The following NR5A2 variants were observed in gnomAD, a reference collection of about 807,000 sequenced individuals.
NR5A2 encodes the protein CYP7A promoter-binding factor.
NR5A2 carries 26 observed loss-of-function variants against 62.7 expected under a neutral mutation model. The observed-to-expected ratio is 0.41, with a 90% confidence interval of 0.30 to 0.58. The LOEUF (loss-of-function observed/expected upper bound fraction) is 0.58. NR5A2 is among the 20% of genes least tolerant of loss of function. NR5A2 has a pLI of 0.22. For missense variants in NR5A2, 541 were observed against 669.1 expected (o/e 0.81, Z 2.11); for synonymous variants, 246 against 241.7 (o/e 1.02, Z -0.16).
At chr1:200,108,218 G>A (rs766552716) in intron 5 of NR5A2, among the ~76,000 whole-genome samples, 7 of 151,644 alleles carry the variant, frequency 4.6e-5, no homozygotes, top group African/African-American at 1.5e-4. Flanking sequence ...CTCAGCCTCC[G>A]GAGTAGCAGG....
At chr1:200,118,772 G>A (rs2102307020) in intron 6 of NR5A2, among the ~76,000 whole-genome samples, 1 of 152,326 alleles carries the variant, frequency 6.6e-6, no homozygotes, top group Admixed American at 6.5e-5. Context: ...TCCCCTGTAA[G>A]AGAACTGGCA....
At chr1:200,096,415 A>C (rs777672483) in intron 5 of NR5A2, among the ~76,000 whole-genome samples, 4 of 152,150 alleles carry the variant, frequency 2.6e-5, no homozygotes, top group African/African-American at 9.7e-5. Flanking sequence ...ACTCAAACAC[A>C]ACAGGGTATG....
intron 7 of NR5A2, among the ~76,000 whole-genome samples, chr1:200,133,091 C>T (rs972474893): frequency 2.6e-5 from 4 of 152,186 alleles, no homozygotes; most frequent in South Asian, 2.1e-4. Context: ...TTCTATATTA[C>T]AGAAATAGTG....
In NR5A2 at chr1:200,039,881, C is replaced by A. The variant is rs1558097509; in HGVS notation, c.202+86C>A. 3 of 1,450,090 alleles carry A rather than the reference C, an allele frequency of 2.1e-6. No homozygotes were observed. The highest frequency in any genetic ancestry group is 6.5e-5 in the Admixed American group (2 of 30,750). 89.8% of individuals were successfully genotyped at this position (1,450,090 alleles called of 1,614,324 possible). ...GCAGGCTTCAGCCTCCCGCCCCGCG[C>A]GGGCGCGGGAGTAGCCCCGCTGGGC... On this transcript the variant is annotated intron_variant, in intron 2 of 7. Coordinates refer to ENST00000367362, the MANE Select transcript of NR5A2 (RefSeq NM_205860.3). The surrounding 1 kb of genome is among the most constrained non-coding windows in gnomAD (Gnocchi z 5.1).
intron 5 of NR5A2, among the ~76,000 whole-genome samples, chr1:200,092,969 C>T (rs908804606): frequency 3.2e-4 from 48 of 148,830 alleles, no homozygotes; most frequent in Non-Finnish European, 6.2e-4. Flanking sequence ...CTGCAACCTC[C>T]GCCTCCCAGG....
chr1:200,074,015 C>T (rs1357684522), intron 5 of NR5A2, among the ~76,000 whole-genome samples: 4 of 152,112 alleles, frequency 2.6e-5, no homozygotes, highest in Admixed American at 6.6e-5. Context: ...TTTGAATCAA[C>T]TCAATCTTAA....
At chr1:200,080,065 TTTA>T (rs926415602) in intron 5 of NR5A2, among the ~76,000 whole-genome samples, 3 of 152,336 alleles carry the variant, frequency 2.0e-5, no homozygotes, top group Admixed American at 6.5e-5. Context: ...TCTATTTTTC[TTTA>T]TTATTTCCAA....
chr1:200,032,663 A>G (rs569426767), intron 1 of NR5A2, among the ~76,000 whole-genome samples: 10 of 151,348 alleles, frequency 6.6e-5, no homozygotes, highest in African/African-American at 2.2e-4. Context: ...ACAAAGGGGA[A>G]CTGATATATA....
chr1:200,054,943 C>A (rs1662840028), intron 5 of NR5A2, among the ~76,000 whole-genome samples: 1 of 151,924 alleles, frequency 6.6e-6, no homozygotes, highest in African/African-American at 2.4e-5. Flanking sequence ...GTTGCCCAGG[C>A]TGGAGTGCAG....
At chr1:200,055,694 G>T (rs576433268) in intron 5 of NR5A2, among the ~76,000 whole-genome samples, 8 of 152,122 alleles carry the variant, frequency 5.3e-5, no homozygotes, top group Non-Finnish European at 1.2e-4. Flanking sequence ...CACTTCTCTG[G>T]ATGCAAAGTA....
At chr1:200,043,245 G>T (rs566375701) in intron 2 of NR5A2, among the ~76,000 whole-genome samples, 1 of 152,338 alleles carries the variant, frequency 6.6e-6, no homozygotes, top group South Asian at 2.1e-4. Context: ...AGTTAAAGTG[G>T]GCTGCTGCTG....
chr1:200,060,399 T>C (rs1398768926), intron 5 of NR5A2, among the ~76,000 whole-genome samples: 1 of 152,194 alleles, frequency 6.6e-6, no homozygotes, highest in Non-Finnish European at 1.5e-5. Context: ...ATAGGATTTC[T>C]ATCTGTCCTT....
At chr1:200,166,336 C>T (rs1653899849) in intron 7 of NR5A2, among the ~76,000 whole-genome samples, 1 of 152,082 alleles carries the variant, frequency 6.6e-6, no homozygotes, top group African/African-American at 2.4e-5. Flanking sequence ...CACAAAGGTG[C>T]CCCATAACAC....
intron 1 of NR5A2, among the ~76,000 whole-genome samples, chr1:200,037,402 G>A (rs1373404227): frequency 1.3e-5 from 2 of 152,208 alleles, no homozygotes; most frequent in African/African-American, 2.4e-5. Flanking sequence ...CTGCATCCTT[G>A]CCATGCTAGG....
chr1:200,104,243 G>A (rs1665537468), intron 5 of NR5A2, among the ~76,000 whole-genome samples: 1 of 152,196 alleles, frequency 6.6e-6, no homozygotes, highest in Non-Finnish European at 1.5e-5. Context: ...TGCAACAATT[G>A]ACTAGGGCGT....
chr1:200,047,351 G>A (rs1179202992), intron 4 of NR5A2, among the ~76,000 whole-genome samples: 1 of 152,150 alleles, frequency 6.6e-6, no homozygotes, highest in Non-Finnish European at 1.5e-5. Context: ...CCAAGAACAT[G>A]TCCCCACCCC....
chr1:200,064,932 A>T (rs965193953), intron 5 of NR5A2, among the ~76,000 whole-genome samples: 1 of 151,952 alleles, frequency 6.6e-6, no homozygotes, highest in Non-Finnish European at 1.5e-5. Flanking sequence ...AAAGAAATGT[A>T]ATGTTTTAAA....
At chr1:200,078,614 C>T (rs1270689731) in intron 5 of NR5A2, among the ~76,000 whole-genome samples, 2 of 152,074 alleles carry the variant, frequency 1.3e-5, no homozygotes, top group African/African-American at 4.8e-5. Flanking sequence ...CAATATACCC[C>T]TCTACTTTTT....
chr1:200,130,974 A>T (rs949391894), intron 7 of NR5A2, among the ~76,000 whole-genome samples: 1 of 152,246 alleles, frequency 6.6e-6, no homozygotes, highest in Non-Finnish European at 1.5e-5. Flanking sequence ...TCTAATTTAG[A>T]AAAACACTCA....
Sources: allele counts gnomAD v4.1 joint callset (sites outside exome capture counted in the v4.1 genomes callset), GRCh38; gene constraint gnomAD v4.1.1; non-coding constraint Gnocchi (gnomAD v3.1); transcripts MANE v1.5; gene names NCBI Gene and HGNC (gene_info 2026-07-23, HGNC 2026-07-21).